The following DENND3 variants were observed in gnomAD, a reference collection of about 807,000 sequenced individuals.
The protein encoded by DENND3 is DENN domain-containing protein 3.
Under a neutral mutation model 135.1 loss-of-function variants are expected in DENND3, and 88 were observed. The observed-to-expected ratio is 0.65, with a 90% CI of 0.55 to 0.78. The LOEUF is 0.78. Ranked by LOEUF, DENND3 falls within the 30% of genes least tolerant of loss-of-function variation. The pLI is 0.00. For synonymous variants in DENND3, 693 were observed against 712.3 expected (o/e 0.97, Z 0.43); for missense variants, 1,392 against 1,688.4 (o/e 0.82, Z 3.08).
intron 19 of DENND3, 106 bp from the exon 20 acceptor site, chr8:141,190,178 G>A: frequency 1.4e-6 from 2 of 1,399,672 alleles, no homozygotes; most frequent in Non-Finnish European, 1.9e-6. Flanking sequence ...TATCCGTGTT[G>A]AGCACATTTT....
intron 17 of DENND3, among the ~76,000 whole-genome samples, chr8:141,183,714 G>C (rs1315949910): frequency 2.0e-5 from 3 of 149,640 alleles, no homozygotes; most frequent in African/African-American, 7.5e-5. Context: ...GACGTCCGGT[G>C]ACACTGTCAG....
At position 141,166,819 on chromosome 8, in the gene DENND3, A is replaced by G. The variant is rs1820867689; in HGVS notation, c.1753+430A>G. 6.6e-6 allele frequency among the ~76,000 whole-genome samples: 1 copy of G among 152,146 alleles called. No individual in the cohort carries two copies. Among genetic ancestry groups the G allele is most frequent in the African/African-American group, 2.4e-5 (1 of 41,424 alleles). On this transcript the variant is annotated intron_variant, in intron 12 of 22. Coordinates refer to ENST00000519811, the MANE Select transcript of DENND3 (RefSeq NM_001352890.3). The surrounding 1 kb of genome is among the most constrained non-coding windows in gnomAD (Gnocchi z 4.3). ...GCTGGCATTCCAGGGCCAGGGCTAA[A>G]GTGAGCAGGGCCAGGGATGGGGAGG...
In DENND3 at chr8:141,176,660, A is replaced by G; in HGVS notation, c.2605A>G (p.Lys869Glu). The G allele has an allele frequency of 6.2e-7, 1 of 1,614,266 alleles. No homozygotes were observed. Among genetic ancestry groups the G allele is most frequent in the Non-Finnish European group, 8.5e-7 (1 of 1,180,046 alleles). The part of the protein sequence containing the change: ...IPTLKIRVAS[K>E]KEVFEANLKT... ...CACTTTAAAAATCAGAGTGGCGTCC[A>G]AGAAAGAAGTCTTCGAAGCCAACCT... The change falls in exon 15 of 23, where the codon AAG (lysine) becomes GAG (glutamate). Residue 869 changes from lysine (K) to glutamate (E), a missense_variant. Coordinates refer to ENST00000519811, the MANE Select transcript of DENND3 (RefSeq NM_001352890.3).
rs558798888 is a variant in DENND3 at position 141,174,668 on chromosome 8, CAA to C, written c.2276-529_2276-528del. ...CGGAGGTGATTTCAGTTGCAGACAA[CAA>C]AAGTCAATGATTTGCTGGTAACCAA... On this transcript the variant is annotated intron_variant, in intron 13 of 22. Coordinates refer to ENST00000519811, the MANE Select transcript of DENND3 (RefSeq NM_001352890.3). The surrounding 1 kb of genome is among the most constrained non-coding windows in gnomAD (Gnocchi z 4.6). 7.2e-5 allele frequency among the ~76,000 whole-genome samples: 11 copies of C among 152,094 alleles called. No homozygotes were observed. The highest frequency in any genetic ancestry group is 1.5e-4 in the Non-Finnish European group (10 of 68,010).
rs1264590600 is a variant in DENND3 at position 141,174,865 on chromosome 8, A to T, written c.2276-335A>T. Reference sequence around the variant, plus strand: ...TGAGGAAGGTCTTTGCCCCCATTAGAAGAGTGTCCTTGTCCGGAAGGACTT... The same window carrying T: ...TGAGGAAGGTCTTTGCCCCCATTAGTAGAGTGTCCTTGTCCGGAAGGACTT... On this transcript the variant is annotated intron_variant, in intron 13 of 22. Transcript: ENST00000519811. The surrounding 1 kb of genome is among the most constrained non-coding windows in gnomAD (Gnocchi z 4.6). Among the ~76,000 whole-genome samples, 2 of 152,124 alleles carry T rather than the reference A, an allele frequency of 1.3e-5. No individual in the cohort carries two copies. The highest frequency in any genetic ancestry group is 4.8e-5 in the African/African-American group (2 of 41,402).
chr8:141,181,230 C>G (rs892952100), intron 17 of DENND3, among the ~76,000 whole-genome samples: 2 of 152,162 alleles, frequency 1.3e-5, no homozygotes, highest in African/African-American at 4.8e-5. Context: ...TGAATCTTGG[C>G]TCACTGCATC....
rs1480182510 is a variant in DENND3 at position 141,167,245 on chromosome 8, C to T, written c.1754-759C>T. On this transcript the variant is annotated intron_variant, in intron 12 of 22. Transcript: ENST00000519811. This position sits in a 1 kb window ranked among gnomAD's most constrained non-coding sequence, Gnocchi z 4.1. ...CTGTGTGACCCTGGGCAGGCAGCTT[C>T]ACCTCCCTGGTTCTGCAGTTCCTCT... 1.3e-5 allele frequency among the ~76,000 whole-genome samples: 2 copies of T among 152,210 alleles called. No individual in the cohort carries two copies. Among genetic ancestry groups the T allele is most frequent in the African/African-American group, 2.4e-5 (1 of 41,456 alleles).
Position 141,193,604 on chromosome 8 carries a change from G to A in DENND3, c.3637-429G>A, listed in dbSNP as rs149073181. On this transcript the variant is annotated intron_variant, in intron 22 of 22. Coordinates refer to ENST00000519811, the MANE Select transcript of DENND3 (RefSeq NM_001352890.3). Reference sequence around the variant, plus strand: ...CAAGTCGGAGACACGGCGGGGGTGGGGCGGAATTCGTTTAGTGTTTTCCCC... The same window carrying A: ...CAAGTCGGAGACACGGCGGGGGTGGAGCGGAATTCGTTTAGTGTTTTCCCC... 1.6e-3 allele frequency: 268 copies of A among 165,988 alleles called. 9 individuals are homozygous for A. The East Asian group carries it at 0.03, about 18-fold the overall frequency. The allele number at this position is 165,988 out of a possible 1,614,324, so 10.3% of individuals were successfully genotyped here.
In DENND3 at chr8:141,141,944, T is replaced by A; in HGVS notation, c.623+620T>A. The A allele has an allele frequency of 5.1e-6, 1 of 197,524 alleles. No homozygotes were observed. The highest frequency in any genetic ancestry group is 7.2e-5 in the South Asian group (1 of 13,846). 12.2% of individuals were successfully genotyped at this position (197,524 alleles called of 1,614,324 possible). ...CTGTAGTCCCAGCTACTGGGAAGGC[T>A]AACGCAGGAGGATGGCTTAAGCCTA... is the stretch of plus-strand genomic sequence containing the variant. On this transcript the variant is annotated intron_variant, in intron 4 of 22. Coordinates refer to ENST00000519811, the MANE Select transcript of DENND3 (RefSeq NM_001352890.3). The surrounding 1 kb of genome is among the most constrained non-coding windows in gnomAD (Gnocchi z 5.3).
Position 141,150,959 on chromosome 8 carries a change from C to A in DENND3, c.855+6C>A. On this transcript the variant is annotated splice_donor_region_variant and intron_variant, in intron 6 of 22. Transcript: ENST00000519811. Reference sequence around the variant, plus strand: ...GGCCTGAGAAGGTGCTACAGGTACGCGGCCCCGCCCCGGCGAGCGCGTCTT... The same window carrying A: ...GGCCTGAGAAGGTGCTACAGGTACGAGGCCCCGCCCCGGCGAGCGCGTCTT... 1 of 1,532,448 alleles carries A rather than the reference C, an allele frequency of 6.5e-7. No individual in the cohort carries two copies. The highest frequency in any genetic ancestry group is 1.3e-5 in the South Asian group (1 of 77,730). The allele number at this position is 1,532,448 out of a possible 1,614,324, so 94.9% of individuals were successfully genotyped here. A position where few individuals can be genotyped will look rare whatever the true frequency, so the allele number is the denominator to read the frequency against.
rs567972126 is a variant in DENND3, at chr8:141,172,569, G to A, written c.2276-2631G>A. Among the ~76,000 whole-genome samples, 5 of 152,340 alleles carry A rather than the reference G, an allele frequency of 3.3e-5. No individual in the cohort carries two copies. The South Asian group carries it at 1.0e-3, about 32-fold the overall frequency. On this transcript the variant is annotated intron_variant, in intron 13 of 22. Coordinates refer to ENST00000519811, the MANE Select transcript of DENND3 (RefSeq NM_001352890.3). ...GCAGCAAGAAGATTTGCCCTGAGCG[G>A]CGCAAGGGGCAGGACCCATGGCTGG...
In DENND3 at chr8:141,152,964, CTGG is replaced by C. The variant is rs200294975; in HGVS notation, c.1074+1129_1074+1131del. On this transcript the variant is annotated intron_variant, in intron 7 of 22. Transcript: ENST00000519811. ...CTGCCCCCGACCCGGTGAGGAGGAG[CTGG>C]TATCTCACTGTGGTTTGATGTGCAT... Among the ~76,000 whole-genome samples, 1,291 of 152,252 alleles carry C rather than the reference CTGG, an allele frequency of 8.5e-3. 15 individuals carry two copies. Among genetic ancestry groups the C allele is most frequent in the African/African-American group, 0.03 (1,235 of 41,540 alleles).
chr8:141,180,995 G>T, intron 17 of DENND3, 141 bp downstream of exon 17: 1 of 662,050 alleles, frequency 1.5e-6, no homozygotes, highest in Non-Finnish European at 2.5e-6. Context: ...TGCTTTCTGA[G>T]GTGAAGTGCT....
intron 18 of DENND3, among the ~76,000 whole-genome samples, chr8:141,187,113 A>T (rs1210503817): frequency 6.6e-6 from 1 of 152,156 alleles, no homozygotes; most frequent in Non-Finnish European, 1.5e-5. Flanking sequence ...CCCTCCAAGC[A>T]GCCACCCCAT....
At position 141,192,586 on chromosome 8, in the gene DENND3, G is replaced by T; in HGVS notation, c.3559G>T (p.Asp1187Tyr). ...CGAGGTTTACATCTGGAGCCTGAAG[G>T]ACCTGGCCCAGCCCCCGCAGAGGGT... is the stretch of plus-strand genomic sequence containing the variant. ...RSEVYIWSLK[D>Y]LAQPPQRVPL... The change falls in exon 22 of 23, where the codon GAC becomes TAC. Residue 1187 changes from aspartate (D) to tyrosine (Y), a missense_variant. Transcript: ENST00000519811. 2 of 1,582,520 alleles carry T rather than the reference G, an allele frequency of 1.3e-6. No homozygotes were observed. Among genetic ancestry groups the T allele is most frequent in the Non-Finnish European group, 1.7e-6 (2 of 1,161,724 alleles).
intron 7 of DENND3, 100 bp from the exon 8 acceptor site, chr8:141,155,749 C>T (rs1267770833): frequency 2.9e-6 from 4 of 1,398,608 alleles, no homozygotes; most frequent in Non-Finnish European, 3.8e-6. Context: ...AATGATGACA[C>T]TGTCTTAGTG....
At chr8:141,151,890 G>C in intron 7 of DENND3, 53 bp downstream of exon 7, 1 of 1,589,918 alleles carries the variant, frequency 6.3e-7, no homozygotes, top group Non-Finnish European at 8.6e-7. Flanking sequence ...AGTCCATCAC[G>C]GGGACACATG....
intron 7 of DENND3, among the ~76,000 whole-genome samples, chr8:141,155,424 G>A (rs1819319140): frequency 6.6e-6 from 1 of 151,886 alleles, no homozygotes; most frequent in Non-Finnish European, 1.5e-5. Flanking sequence ...TATTTTTTGA[G>A]ACAGGGTCTT....
rs1823292251 is a variant in DENND3, at chr8:141,182,600, A to G, written c.2944+1746A>G. The G allele has an allele frequency of 7.9e-6, 5 of 630,164 alleles. No individual in the cohort carries two copies. Among genetic ancestry groups the G allele is most frequent in the Non-Finnish European group, 9.9e-6 (5 of 506,458 alleles). 39.0% of individuals were successfully genotyped at this position (630,164 alleles called of 1,614,324 possible). On this transcript the variant is annotated intron_variant, in intron 17 of 22. Coordinates refer to ENST00000519811, the MANE Select transcript of DENND3 (RefSeq NM_001352890.3). The surrounding 1 kb of genome is among the most constrained non-coding windows in gnomAD (Gnocchi z 5.9). Reference sequence around the variant, plus strand: ...CTCCAGGAGCATCTCGAAGGCCTGCAGAGAGCGTGCAAAGCAGCCGTGGGG... The same window carrying G: ...CTCCAGGAGCATCTCGAAGGCCTGCGGAGAGCGTGCAAAGCAGCCGTGGGG...
Sources: allele counts gnomAD v4.1 joint callset (sites outside exome capture counted in the v4.1 genomes callset), GRCh38; gene constraint gnomAD v4.1.1; non-coding constraint Gnocchi (gnomAD v3.1); transcripts MANE v1.5; gene names NCBI Gene and HGNC (gene_info 2026-07-23, HGNC 2026-07-21).